ANKRD6: variants seen among roughly 807,000 people sequenced by gnomAD.
ANKRD6 encodes the protein ankyrin repeat domain-containing protein 6.
In ANKRD6, 56 loss-of-function variants were observed where a neutral mutation model predicts 82.3. That is an observed-to-expected ratio of 0.68 (90% CI 0.55 to 0.85). The LOEUF (loss-of-function observed/expected upper bound fraction) is 0.85, where lower values mean the gene tolerates loss of function less well. ANKRD6 is among the 40% of genes least tolerant of loss of function. ANKRD6 has a pLI of 0.00. For missense variants in ANKRD6, 852 were observed against 907.6 expected (o/e 0.94, Z 0.79); for synonymous variants, 347 against 352.1 (o/e 0.99, Z 0.16).
chr6:89,531,734 G>A (rs1562737212), intron 1 of ANKRD6, among the ~76,000 whole-genome samples: 1 of 152,302 alleles, frequency 6.6e-6, no homozygotes, highest in East Asian at 1.9e-4. Context: ...GGACCTTTGG[G>A]TGGCCCACAC....
chr6:89,456,633 T>C (rs1472124394), intron 1 of ANKRD6, among the ~76,000 whole-genome samples: 1 of 152,234 alleles, frequency 6.6e-6, no homozygotes, highest in Non-Finnish European at 1.5e-5. Context: ...AGCTTTAATA[T>C]ATGAACTTGT....
intron 1 of ANKRD6, among the ~76,000 whole-genome samples, chr6:89,514,457 T>C (rs1780964777): frequency 6.6e-6 from 1 of 152,172 alleles, no homozygotes; most frequent in African/African-American, 2.4e-5. Context: ...GTTAGTGTAT[T>C]TTATATGTGG....
At chr6:89,564,796 A>G (rs1788115586) in intron 1 of ANKRD6, among the ~76,000 whole-genome samples, 3 of 152,156 alleles carry the variant, frequency 2.0e-5, no homozygotes, top group African/African-American at 7.2e-5. Flanking sequence ...CCATTGCAAG[A>G]AAGGTTCTAG....
chr6:89,613,647 G>A, intron 6 of ANKRD6, 145 bp from the exon 7 acceptor site: 1 of 734,136 alleles, frequency 1.4e-6, no homozygotes, highest in Admixed American at 2.6e-5. Flanking sequence ...CCTTGGGGTG[G>A]AGCATCTATG....
chr6:89,461,326 A>G (rs1774107470), intron 1 of ANKRD6, among the ~76,000 whole-genome samples: 1 of 152,216 alleles, frequency 6.6e-6, no homozygotes, highest in South Asian at 2.1e-4. Context: ...GGTATCATAT[A>G]TGCCTTTCAC....
At chr6:89,578,493 G>C (rs1307939664) in intron 2 of ANKRD6, among the ~76,000 whole-genome samples, 1 of 151,792 alleles carries the variant, frequency 6.6e-6, no homozygotes, top group Non-Finnish European at 1.5e-5. Flanking sequence ...ATGGGGTCTT[G>C]TCATGTTACC....
intron 4 of ANKRD6, among the ~76,000 whole-genome samples, chr6:89,605,271 A>G (rs1415113121): frequency 6.6e-6 from 1 of 152,168 alleles, no homozygotes; most frequent in African/African-American, 2.4e-5. Flanking sequence ...AATTCCAGCT[A>G]CTTGGGAGGC....
At chr6:89,509,115 CG>C in intron 1 of ANKRD6, 1 of 152,370 alleles carries the variant, frequency 6.6e-6, no homozygotes. Flanking sequence ...CCCTGGGAGG[CG>C]GGCGCTTCCT....
At chr6:89,474,932 G>A (rs1775875248) in intron 1 of ANKRD6, among the ~76,000 whole-genome samples, 1 of 152,154 alleles carries the variant, frequency 6.6e-6, no homozygotes. Flanking sequence ...TCTAGACAGT[G>A]CGAAATCTAG....
intron 10 of ANKRD6, 121 bp from the exon 11 acceptor site, chr6:89,623,289 A>G (rs1181004722): frequency 7.6e-7 from 1 of 1,318,138 alleles, no homozygotes; most frequent in Non-Finnish European, 1.0e-6. Context: ...AATTTATGTT[A>G]TTTGCAAAGG....
In ANKRD6 at chr6:89,631,162, C is replaced by A; in HGVS notation, c.*158C>A. ...ATGTGCCAGATACATGTTTCCTATGCCCAGGAAGTTATGAAGACTTCAACA... is the reference window on the plus strand; with the variant it reads ...ATGTGCCAGATACATGTTTCCTATGACCAGGAAGTTATGAAGACTTCAACA... On this transcript the variant is annotated 3_prime_UTR_variant, in exon 16 of 16. Transcript: ENST00000339746. 1 of 1,298,068 alleles carries A rather than the reference C, an allele frequency of 7.7e-7. No homozygotes were observed. Among genetic ancestry groups the A allele is most frequent in the South Asian group, 2.0e-5 (1 of 48,848 alleles). 80.4% of individuals were successfully genotyped at this position (1,298,068 alleles called of 1,614,324 possible). A position where few individuals can be genotyped will look rare whatever the true frequency, so the allele number is the denominator to read the frequency against.
At chr6:89,598,340 C>G in intron 3 of ANKRD6, 3 of 985,206 alleles carry the variant, frequency 3.0e-6, no homozygotes, top group Non-Finnish European at 3.6e-6. Context: ...GATGCTGTGG[C>G]CACAGTGAAA....
intron 1 of ANKRD6, among the ~76,000 whole-genome samples, chr6:89,450,342 CA>C (rs936037749): frequency 1.3e-5 from 2 of 151,776 alleles, no homozygotes; most frequent in African/African-American, 4.8e-5. Flanking sequence ...TCAGTTGATT[CA>C]GAAACTTCAT....
In ANKRD6 at chr6:89,623,233, C is replaced by T. The variant is rs967399263; in HGVS notation, c.898-177C>T. Among the ~76,000 whole-genome samples, 2 of 151,976 alleles carry T rather than the reference C, an allele frequency of 1.3e-5. 1 individual carries two copies. The highest frequency in any genetic ancestry group is 1.3e-4 in the Admixed American group (2 of 15,266). On this transcript the variant is annotated intron_variant, in intron 10 of 15. Transcript: ENST00000339746. ...CCAAATGTTCAACCAACCAGGAAAA[C>T]GTTCTATGTTAGTTAAGACCACCAA...
At chr6:89,537,580 A>T (rs1783983055) in intron 1 of ANKRD6, among the ~76,000 whole-genome samples, 1 of 151,804 alleles carries the variant, frequency 6.6e-6, no homozygotes, top group Non-Finnish European at 1.5e-5. Flanking sequence ...CTGAATTATT[A>T]TATAATTATA....
intron 3 of ANKRD6, among the ~76,000 whole-genome samples, chr6:89,596,247 A>G (rs577106196): frequency 6.6e-6 from 1 of 152,054 alleles, no homozygotes; most frequent in Admixed American, 6.6e-5. Flanking sequence ...ATCATGGTTC[A>G]CTTCCTGTCT....
intron 1 of ANKRD6, among the ~76,000 whole-genome samples, chr6:89,470,471 G>T (rs1775314795): frequency 6.6e-6 from 1 of 152,082 alleles, no homozygotes; most frequent in Non-Finnish European, 1.5e-5. Context: ...AATTTAAAAA[G>T]TTAGCCAGGC....
chr6:89,605,967 C>A (rs775878938), intron 4 of ANKRD6, 40 bp from the exon 5 acceptor site: 1 of 1,439,104 alleles, frequency 6.9e-7, no homozygotes, highest in South Asian at 1.3e-5. Flanking sequence ...AGAATTAGGT[C>A]TTGGGTAATG....
At chr6:89,587,798 T>G (rs75211524) in intron 2 of ANKRD6, among the ~76,000 whole-genome samples, 3,943 of 152,304 alleles carry the variant, frequency 0.026, 183 homozygotes, top group African/African-American at 0.089. Context: ...ATTGTCTGAT[T>G]AAGATATGAT....
Sources: allele counts gnomAD v4.1 joint callset (sites outside exome capture counted in the v4.1 genomes callset), GRCh38; gene constraint gnomAD v4.1.1; transcripts MANE v1.5; gene names NCBI Gene and HGNC (gene_info 2026-07-23, HGNC 2026-07-21).